BMX: variants seen among roughly 807,000 people sequenced by gnomAD.
BMX encodes the protein BMX non-receptor tyrosine kinase, also known as cytoplasmic tyrosine-protein kinase BMX.
BMX carries 31 observed loss-of-function variants against 59.2 expected under a neutral mutation model. The ratio of observed to expected loss-of-function variants is 0.52; its 90% CI spans 0.39 to 0.71. The LOEUF is 0.71. Ranked by LOEUF, BMX falls within the 30% of genes least tolerant of loss-of-function variation. The pLI is 0.00. For missense variants in BMX, 474 were observed against 491.7 expected, an observed-to-expected ratio of 0.96 and a Z score of 0.34; for synonymous variants, 185 against 181.0, an observed-to-expected ratio of 1.02 and a Z score of -0.18.
At chrX:15,521,984 G>T (rs1924478735) in intron 6 of BMX, among the ~76,000 whole-genome samples, 1 of 111,246 alleles carries the variant, frequency 9.0e-6, no homozygotes, top group South Asian at 3.8e-4. Context: ...AAATAATTCT[G>T]CTATGAACAT....
chrX:15,516,131 C>A lies in BMX; in HGVS notation c.345C>A (p.His115Gln). ...ALQKEIRGNP[H>Q]LLVKYHSGFF... ...CCTCAGAGATAAGGGGTAACCCCCA[C>A]CTGCTGGTCAAGTACCATAGTGGGT... Residue 115 changes from histidine to glutamine, a missense_variant, in exon 5 of 19, where the codon CAC (histidine) becomes CAA (glutamine). Physicochemically the swap from His to Gln is conservative, Grantham distance 24 (BLOSUM62 0). Transcript: ENST00000348343. 2 of 1,210,997 alleles carry A rather than the reference C, an allele frequency of 1.7e-6. No individual in the cohort carries two copies. Among genetic ancestry groups the A allele is most frequent in the Non-Finnish European group, 2.2e-6 (2 of 894,791 alleles).
chrX:15,529,945 C>G, intron 9 of BMX, 28 bp from the exon 10 acceptor site: 2 of 1,180,529 alleles, frequency 1.7e-6, no homozygotes, highest in Non-Finnish European at 2.3e-6. Context: ...CTTATTGATT[C>G]TCACATATAA....
chrX:15,554,241 C>A (rs1051166721), intron 18 of BMX, among the ~76,000 whole-genome samples: 4 of 112,106 alleles, frequency 3.6e-5, no homozygotes, highest in African/African-American at 1.3e-4. Context: ...AAGAGGGTAC[C>A]TATTTTCTTA....
rs961817985 is a variant in BMX at position 15,500,925 on chromosome X, G to A, written c.-25G>A. On this transcript the variant is annotated 5_prime_UTR_variant, in exon 1 of 19. Coordinates refer to ENST00000348343, the MANE Select transcript of BMX (RefSeq NM_203281.3). ...CACCGCGGCGGACCCAGGCAAGCAC[G>A]GAACAAGCTGAGACGGTGCGTTTAA... is the stretch of plus-strand genomic sequence containing the variant. 4.0e-6 allele frequency: 3 copies of A among 754,457 alleles called. No homozygotes were observed. Among genetic ancestry groups the A allele is most frequent in the Admixed American group, 8.6e-5 (1 of 11,648 alleles). The allele number at this position is 754,457 out of a possible 1,213,427, so 62.2% of individuals were successfully genotyped here.
Position 15,542,001 on chromosome X carries a change from C to A in BMX, c.1414C>A (p.Leu472Met). The A allele has an allele frequency of 1.7e-6, 2 of 1,209,494 alleles. No homozygotes were observed. Among genetic ancestry groups the A allele is most frequent in the Non-Finnish European group, 2.2e-6 (2 of 894,658 alleles). The change falls in exon 15 of 19, where the codon CTG (leucine) becomes ATG (methionine). Residue 472 changes from leucine to methionine, a missense_variant. By Grantham distance (15) the Leu-to-Met change is conservative. Transcript: ENST00000348343. ...TTCCAGGAAACTCAGCCATCCCAAG[C>A]TGGTTAAATTCTATGGAGTGTGTTC... ...QTMMKLSHPK[L>M]VKFYGVCSKE... is the part of the protein sequence containing the mutation.
chrX:15,531,754 A>G (rs1370163553), intron 11 of BMX, among the ~76,000 whole-genome samples: 2 of 111,397 alleles, frequency 1.8e-5, no homozygotes, highest in Non-Finnish European at 3.8e-5. Context: ...GAAAAAAAAT[A>G]GCAATGGAGC....
intron 16 of BMX, among the ~76,000 whole-genome samples, chrX:15,546,204 G>A (rs1013789568): frequency 8.9e-6 from 1 of 111,767 alleles, no homozygotes. Flanking sequence ...CATGTATTTT[G>A]GTCTTGATAT....
At chrX:15,542,869 T>C (rs1925761497) in intron 15 of BMX, among the ~76,000 whole-genome samples, 1 of 112,078 alleles carries the variant, frequency 8.9e-6, no homozygotes, top group African/African-American at 3.2e-5. Flanking sequence ...CAAGGATGGA[T>C]GCTTGGTTGA....
chrX:15,552,368 C>G (rs752553550), intron 18 of BMX, among the ~76,000 whole-genome samples: 4 of 112,010 alleles, frequency 3.6e-5, no homozygotes, highest in Non-Finnish European at 3.8e-5. Context: ...GTATTCTATG[C>G]TCTTAAGGTT....
At chrX:15,543,175 T>A (rs1312502118) in intron 16 of BMX, 40 bp downstream of exon 16, 7 of 1,132,987 alleles carry the variant, frequency 6.2e-6, no homozygotes, top group Non-Finnish European at 8.5e-6. Flanking sequence ...AAAGGGGGAT[T>A]TCCATTCACA....
chrX:15,554,912 G>A (rs1294660491), intron 18 of BMX, among the ~76,000 whole-genome samples: 1 of 111,085 alleles, frequency 9.0e-6, no homozygotes, highest in Non-Finnish European at 1.9e-5. Context: ...TTCCTCTTCT[G>A]TTCTTTGGTC....
At position 15,512,714 on chromosome X, in the gene BMX, C is replaced by A. The variant is rs780587852; in HGVS notation, c.325+1196C>A. Among the ~76,000 whole-genome samples the A allele has an allele frequency of 5.3e-5, 6 of 112,287 alleles. No individual in the cohort carries two copies. In the South Asian group the frequency reaches 2.2e-3, roughly 41 times the overall value. On this transcript the variant is annotated intron_variant, in intron 4 of 18. Transcript: ENST00000348343. ...AAATAGGAGATCACATTTCTTTTCT[C>A]CTAGAGCAGTCACGAGCCACAGATG...
At chrX:15,553,036 C>G (rs929818531) in intron 18 of BMX, among the ~76,000 whole-genome samples, 1 of 112,168 alleles carries the variant, frequency 8.9e-6, no homozygotes, top group Non-Finnish European at 1.9e-5. Flanking sequence ...ATCTTAGGTG[C>G]GTTACTCAAT....
At position 15,536,446 on chromosome X, in the gene BMX, G is replaced by A; in HGVS notation, c.1222+19G>A. The A allele has an allele frequency of 1.7e-6, 2 of 1,143,828 alleles. No homozygotes were observed. The highest frequency in any genetic ancestry group is 1.8e-5 in the African/African-American group (1 of 54,679). The allele number at this position is 1,143,828 out of a possible 1,213,427, so 94.3% of individuals were successfully genotyped here. A position where few individuals can be genotyped will look rare whatever the true frequency, so the allele number is the denominator to read the frequency against. ...GGAAATGGTATGGATACATACTTGGGTTCTTAAACTCCATTTTCCATCATT... is the reference window on the plus strand; with the variant it reads ...GGAAATGGTATGGATACATACTTGGATTCTTAAACTCCATTTTCCATCATT... On this transcript the variant is annotated intron_variant, in intron 13 of 18. Coordinates refer to ENST00000348343, the MANE Select transcript of BMX (RefSeq NM_203281.3).
chrX:15,536,583 A>G (rs957360885), intron 13 of BMX, among the ~76,000 whole-genome samples, 156 bp downstream of exon 13: 26 of 110,009 alleles, frequency 2.4e-4, no homozygotes, highest in African/African-American at 8.6e-4. Flanking sequence ...TAAAAAAAAA[A>G]AAAATCTGTC....
chrX:15,528,917 C>T (rs1362856518), intron 9 of BMX, among the ~76,000 whole-genome samples: 1 of 111,995 alleles, frequency 8.9e-6, no homozygotes, highest in African/African-American at 3.2e-5. Context: ...CCCTGAAGGG[C>T]CTTTTGATTA....
At chrX:15,503,393 A>T (rs1923636137) in intron 1 of BMX, among the ~76,000 whole-genome samples, 1 of 112,545 alleles carries the variant, frequency 8.9e-6, no homozygotes, top group African/African-American at 3.2e-5. Flanking sequence ...TAAGACTCAG[A>T]TTTATGGGTA....
intron 18 of BMX, among the ~76,000 whole-genome samples, chrX:15,553,301 C>CT: frequency 9.0e-6 from 1 of 111,359 alleles, no homozygotes; most frequent in East Asian, 2.8e-4. Context: ...TGAGCCCCCG[C>CT]TTTTTTTTAA....
intron 14 of BMX, among the ~76,000 whole-genome samples, chrX:15,538,832 G>C: frequency 9.0e-6 from 1 of 111,535 alleles, no homozygotes. Context: ...AAGCAGAGAT[G>C]CTATGTGAAT....
Sources: gnomAD v4.1 joint callset for allele counts (sites outside exome capture counted in the v4.1 genomes callset) on GRCh38, gnomAD v4.1.1 for gene constraint, MANE v1.5 for transcripts, NCBI Gene and HGNC (gene_info 2026-07-23, HGNC 2026-07-21) for gene names.